Variants in GRB14 observed in about 807,000 individuals in gnomAD.
GRB14 encodes the protein growth factor receptor-bound protein 14.
In GRB14, 38 loss-of-function variants were observed where a neutral mutation model predicts 69.1. The observed-to-expected ratio is 0.55, with a 90% CI of 0.42 to 0.72. The LOEUF is 0.72. Ranked by LOEUF, GRB14 falls within the 30% of genes least tolerant of loss-of-function variation. The pLI, the probability that GRB14 is intolerant of heterozygous loss-of-function variation, is 0.00. For synonymous variants in GRB14, 247 were observed against 241.3 expected, an observed-to-expected ratio of 1.02 and a Z score of -0.22; for missense variants, 666 against 666.1, an observed-to-expected ratio of 1.00 and a Z score of 0.00.
chr2:164,500,177 G>T (rs760625325), intron 9 of GRB14, among the ~76,000 whole-genome samples: 1 of 152,042 alleles, frequency 6.6e-6, no homozygotes, highest in Non-Finnish European at 1.5e-5. Flanking sequence ...ATTGATAAAT[G>T]CTCCTTTAAA....
At chr2:164,524,228 C>T (rs1049442915) in intron 5 of GRB14, among the ~76,000 whole-genome samples, 2 of 152,016 alleles carry the variant, frequency 1.3e-5, no homozygotes, top group Non-Finnish European at 2.9e-5. Context: ...TTTGGGGATG[C>T]ATGGGGCTGA....
At chr2:164,584,302 G>C (rs1689485148) in intron 2 of GRB14, among the ~76,000 whole-genome samples, 1 of 151,424 alleles carries the variant, frequency 6.6e-6, no homozygotes. Flanking sequence ...ACCGCACCAG[G>C]CCAGCATTGC....
rs143236004 is a variant in GRB14 at position 164,515,230 on chromosome 2, C to T, written c.817-6378G>A. On this transcript the variant is annotated intron_variant, in intron 6 of 13. Coordinates refer to ENST00000263915, the MANE Select transcript of GRB14 (RefSeq NM_004490.3). The stretch of plus-strand genomic sequence containing the variant: ...GCAGCTGATATGCTCTTGACAGTGC[C>T]AACTCCGGGCTGCAGGCCAACCAAC... 4.4e-3 allele frequency among the ~76,000 whole-genome samples: 665 copies of T among 152,252 alleles called. 2 individuals are homozygous for T. Among genetic ancestry groups the T allele is most frequent in the Admixed American group, 6.9e-3 (106 of 15,296 alleles).
At chr2:164,569,427 G>A (rs1689071160) in intron 2 of GRB14, among the ~76,000 whole-genome samples, 1 of 152,162 alleles carries the variant, frequency 6.6e-6, no homozygotes. Flanking sequence ...AATCTCTTCT[G>A]GACTGACATC....
At chr2:164,502,361 T>A (rs371836788) in intron 8 of GRB14, 26 bp from the exon 9 acceptor site, 2 of 1,180,064 alleles carry the variant, frequency 1.7e-6, no homozygotes, top group Non-Finnish European at 2.5e-6. Flanking sequence ...ATAAAACACA[T>A]TCCCACCACT....
At chr2:164,596,704 T>C (rs555589675) in intron 2 of GRB14, among the ~76,000 whole-genome samples, 132 of 152,282 alleles carry the variant, frequency 8.7e-4, no homozygotes, top group African/African-American at 3.0e-3. Context: ...TGTGGAATAA[T>C]ATGTTCTTCA....
At position 164,613,651 on chromosome 2, in the gene GRB14, G is replaced by C. The variant is rs147070259; in HGVS notation, c.324+6036C>G. On this transcript the variant is annotated intron_variant, in intron 2 of 13. Transcript: ENST00000263915. ...GGTATGTTTGTGGGAGAACAAAAGAGAGAGAATAGAGAAAGTGGTTGACTT... is the reference window on the plus strand; with the variant it reads ...GGTATGTTTGTGGGAGAACAAAAGACAGAGAATAGAGAAAGTGGTTGACTT... Among the ~76,000 whole-genome samples, 185 of 152,342 alleles carry C rather than the reference G, an allele frequency of 1.2e-3. 1 individual carries two copies. Among genetic ancestry groups the C allele is most frequent in the African/African-American group, 4.3e-3 (180 of 41,580 alleles).
intron 3 of GRB14, among the ~76,000 whole-genome samples, chr2:164,545,459 C>A (rs942882369): frequency 5.3e-5 from 8 of 152,082 alleles, no homozygotes; most frequent in Non-Finnish European, 1.0e-4. Context: ...AGCAATATGA[C>A]CACAGTGGCA....
chr2:164,570,977 T>C (rs888275000), intron 2 of GRB14, among the ~76,000 whole-genome samples: 1 of 152,164 alleles, frequency 6.6e-6, no homozygotes, highest in African/African-American at 2.4e-5. Context: ...TGGCATTTTG[T>C]GACTATGTTA....
In GRB14 at chr2:164,523,417, A is replaced by T. The variant is rs77291388; in HGVS notation, c.679-1300T>A. On this transcript the variant is annotated intron_variant, in intron 5 of 13. Transcript: ENST00000263915. ...GTGGAAATGCATTAGTGTCTCATTT[A>T]AAAAAAAAAAGAAAATAGAAATCCC... 1.3e-4 allele frequency among the ~76,000 whole-genome samples: 19 copies of T among 142,392 alleles called. No homozygotes were observed. The East Asian group carries it at 2.4e-3, about 18-fold the overall frequency. The allele number at this position is 142,392 out of a possible 152,430, so 93.4% of individuals were successfully genotyped here. A position where few individuals can be genotyped will look rare whatever the true frequency, so the allele number is the denominator to read the frequency against.
chr2:164,611,446 T>G (rs1690164733), intron 2 of GRB14, among the ~76,000 whole-genome samples: 1 of 151,988 alleles, frequency 6.6e-6, no homozygotes, highest in Non-Finnish European at 1.5e-5. Context: ...GAAAGTGGAC[T>G]CCTTAAATTT....
chr2:164,614,520 CATTTGGGAT>C (rs1238213004), intron 2 of GRB14, among the ~76,000 whole-genome samples: 1 of 152,014 alleles, frequency 6.6e-6, no homozygotes, highest in Non-Finnish European at 1.5e-5. Context: ...GGAATAATGG[CATTTGGGAT>C]ATAAAAGAAA....
chr2:164,523,135 C>G (rs1018591545), intron 5 of GRB14, among the ~76,000 whole-genome samples: 3 of 152,036 alleles, frequency 2.0e-5, no homozygotes, highest in Admixed American at 1.3e-4. Context: ...TCAAAAAACT[C>G]TCTTAGAAGG....
chr2:164,613,153 A>C (rs1208887983), intron 2 of GRB14, among the ~76,000 whole-genome samples: 1 of 152,230 alleles, frequency 6.6e-6, no homozygotes, highest in African/African-American at 2.4e-5. Flanking sequence ...ACATTAAGTG[A>C]ATTGAGACAA....
intron 2 of GRB14, among the ~76,000 whole-genome samples, chr2:164,617,156 C>T (rs1262757534): frequency 6.6e-6 from 1 of 152,168 alleles, no homozygotes; most frequent in Non-Finnish European, 1.5e-5. Flanking sequence ...TCCTCCTCAA[C>T]TTTGGGGTAC....
intron 6 of GRB14, among the ~76,000 whole-genome samples, chr2:164,516,064 A>G (rs1687476386): frequency 6.6e-6 from 1 of 151,822 alleles, no homozygotes; most frequent in Non-Finnish European, 1.5e-5. Context: ...GAAGTTTCGG[A>G]TTATGTTAAA....
intron 2 of GRB14, among the ~76,000 whole-genome samples, chr2:164,618,019 T>C (rs1054245530): frequency 7.1e-6 from 1 of 141,126 alleles, no homozygotes; most frequent in Non-Finnish European, 1.5e-5. Flanking sequence ...CAGAGTGGAG[T>C]GCAGGGGCAC....
At chr2:164,525,100 A>G in intron 4 of GRB14, 22 bp from the exon 5 acceptor site, 1 of 1,425,300 alleles carries the variant, frequency 7.0e-7, no homozygotes, top group Non-Finnish European at 9.8e-7. Context: ...ACACAGTTAA[A>G]TTATCACAAA....
At position 164,620,073 on chromosome 2, in the gene GRB14, ACCCCT is replaced by A. The variant is rs1558888518; in HGVS notation, c.192-259_192-255del. 4 of 43,854 alleles carry A rather than the reference ACCCCT, an allele frequency of 9.1e-5. 1 individual carries two copies. Among genetic ancestry groups the A allele is most frequent in the African/African-American group, 4.8e-4 (3 of 6,218 alleles). The allele number at this position is 43,854 out of a possible 1,614,324, so 2.7% of individuals were successfully genotyped here. A position where few individuals can be genotyped will look rare whatever the true frequency, so the allele number is the denominator to read the frequency against. Reference sequence around the variant, plus strand: ...CTCTCTCTCTCTCTCCCCTCCCACCACCCCTCCCCCCCCCACCGCCTTCTCTCTCT... The same window carrying A: ...CTCTCTCTCTCTCTCCCCTCCCACCACCCCCCCCCACCGCCTTCTCTCTCT... On this transcript the variant is annotated intron_variant, in intron 1 of 13. Coordinates refer to ENST00000263915, the MANE Select transcript of GRB14 (RefSeq NM_004490.3).
Sources: allele counts gnomAD v4.1 joint callset (sites outside exome capture counted in the v4.1 genomes callset), GRCh38; gene constraint gnomAD v4.1.1; transcripts MANE v1.5; gene names NCBI Gene and HGNC (gene_info 2026-07-23, HGNC 2026-07-21).